The following IQCE variants were observed in gnomAD, a reference collection of about 807,000 sequenced individuals.
IQCE encodes IQ domain-containing protein E.
In IQCE, 115 loss-of-function variants were observed where a neutral mutation model predicts 96.0. The ratio of observed to expected loss-of-function variants is 1.20; its 90% CI spans 1.03 to 1.40. The LOEUF (loss-of-function observed/expected upper bound fraction) is 1.40. Ranked by LOEUF, IQCE falls within the 40% of genes most tolerant of loss-of-function variation. The pLI is 0.00. For synonymous variants in IQCE, 412 were observed against 371.2 expected (o/e 1.11, Z -1.26); for missense variants, 1,041 against 909.1 (o/e 1.15, Z -1.87).
At chr7:2,598,383 G>T (rs1184147460) in intron 16 of IQCE, 82 bp from the exon 17 acceptor site, 2 of 1,350,446 alleles carry the variant, frequency 1.5e-6, no homozygotes, top group African/African-American at 1.5e-5. Context: ...GCACCATGCC[G>T]GGTAATATCC....
chr7:2,582,758 C>T (rs1164872346), intron 9 of IQCE, 108 bp downstream of exon 9: 1 of 919,648 alleles, frequency 1.1e-6, no homozygotes, highest in Non-Finnish European at 1.7e-6. Flanking sequence ...TACTCCCAGC[C>T]CAAAGCCGAA....
intron 6 of IQCE, among the ~76,000 whole-genome samples, chr7:2,577,712 G>A (rs1320296148): frequency 9.6e-6 from 1 of 104,596 alleles, no homozygotes; most frequent in Non-Finnish European, 1.9e-5. Context: ...GTGGCTGTGC[G>A]CGCGGGGACG....
intron 6 of IQCE, among the ~76,000 whole-genome samples, chr7:2,574,290 G>T (rs1386800328): frequency 6.6e-6 from 1 of 152,238 alleles, no homozygotes; most frequent in East Asian, 1.9e-4. Flanking sequence ...TAGGGCATTG[G>T]CAGCCTCGTC....
chr7:2,572,740 C>T (rs7792975), intron 5 of IQCE: 5,974 of 457,222 alleles, frequency 0.013, 273 homozygotes, highest in African/African-American at 0.1. Flanking sequence ...GACGGAATCT[C>T]GCTGTGTTGC....
intron 16 of IQCE, among the ~76,000 whole-genome samples, 164 bp downstream of exon 16, chr7:2,595,140 A>C (rs763208946): frequency 1.0e-3 from 157 of 152,214 alleles, no homozygotes; most frequent in Non-Finnish European, 2.0e-3. Flanking sequence ...TGTGTATCGA[A>C]GTCCGGGTTT....
chr7:2,597,578 T>C (rs1784141334), intron 16 of IQCE, among the ~76,000 whole-genome samples: 1 of 152,276 alleles, frequency 6.6e-6, no homozygotes, highest in Admixed American at 6.5e-5. Flanking sequence ...CCACCGAGCT[T>C]GCATTCTTGA....
intron 14 of IQCE, among the ~76,000 whole-genome samples, chr7:2,592,076 C>T (rs1465304123): frequency 3.3e-5 from 5 of 152,172 alleles, no homozygotes; most frequent in Admixed American, 6.5e-5. Context: ...CGTGAGCCAC[C>T]GCGCCCGGCC....
chr7:2,603,878 G>A (rs887101593), intron 18 of IQCE, among the ~76,000 whole-genome samples: 2 of 152,122 alleles, frequency 1.3e-5, no homozygotes, highest in Non-Finnish European at 2.9e-5. Context: ...TAACGAGTTT[G>A]AGAGATGCCC....
chr7:2,593,488 A>G (rs1407395725), intron 15 of IQCE, among the ~76,000 whole-genome samples: 5 of 152,244 alleles, frequency 3.3e-5, no homozygotes, highest in Non-Finnish European at 5.9e-5. Context: ...GAGAGCCAGG[A>G]AGCAGCGCCC....
chr7:2,578,384 C>G (rs747975555), intron 7 of IQCE, 29 bp downstream of exon 7: 20 of 1,611,168 alleles, frequency 1.2e-5, no homozygotes, highest in African/African-American at 1.2e-4. Flanking sequence ...ACGGACGGGG[C>G]AAGGGGAGGG....
chr7:2,578,571 TTA>T, intron 8 of IQCE, 45 bp downstream of exon 8: 1 of 1,591,110 alleles, frequency 6.3e-7, no homozygotes, highest in Non-Finnish European at 8.6e-7. Context: ...CAGACGCTAG[TTA>T]CTGGGGACAG....
chr7:2,578,602 C>A, intron 8 of IQCE, 76 bp downstream of exon 8: 1 of 1,484,896 alleles, frequency 6.7e-7, no homozygotes, highest in Admixed American at 1.7e-5. Flanking sequence ...GGACGCCTTT[C>A]CCTGCAGCAC....
At chr7:2,565,527 A>G (rs980784837) in intron 1 of IQCE, among the ~76,000 whole-genome samples, 6 of 152,220 alleles carry the variant, frequency 3.9e-5, no homozygotes, top group Admixed American at 3.3e-4. Flanking sequence ...ACAGCAAGGA[A>G]TAATGACAGA....
intron 14 of IQCE, among the ~76,000 whole-genome samples, chr7:2,592,752 C>G (rs76525229): frequency 0.011 from 1,682 of 152,338 alleles, 36 homozygotes; most frequent in African/African-American, 0.037. Flanking sequence ...GGAGGGGCAA[C>G]TCCTCATTCT....
chr7:2,563,375 T>TTTTGTG (rs60896382), intron 1 of IQCE, among the ~76,000 whole-genome samples: 6,800 of 135,770 alleles, frequency 0.05, 284 homozygotes, highest in African/African-American at 0.1. Context: ...TAATTTTTTG[T>TTTTGTG]TGTGTGTGTG....
At chr7:2,597,926 C>A (rs1468835984) in intron 16 of IQCE, among the ~76,000 whole-genome samples, 2 of 152,164 alleles carry the variant, frequency 1.3e-5, no homozygotes, top group African/African-American at 4.8e-5. Flanking sequence ...GCTTGGCCCC[C>A]CACATTGTTG....
At position 2,592,208 on chromosome 7, in the gene IQCE, C is replaced by G. The variant is rs941584894; in HGVS notation, c.1245-814C>G. On this transcript the variant is annotated intron_variant, in intron 14 of 21. Coordinates refer to ENST00000402050, the MANE Select transcript of IQCE (RefSeq NM_152558.5). Reference sequence around the variant, plus strand: ...GGCCAACCCGTCACCACTGTCCTTACCCCTCACGTGAGGTCTCGGAGTGCA... The same window carrying G: ...GGCCAACCCGTCACCACTGTCCTTAGCCCTCACGTGAGGTCTCGGAGTGCA... Among the ~76,000 whole-genome samples the G allele has an allele frequency of 8.5e-5, 13 of 152,234 alleles. 1 individual carries two copies. The highest frequency in any genetic ancestry group is 8.5e-4 in the Admixed American group (13 of 15,288).
At chr7:2,607,321 C>A in intron 21 of IQCE, 94 bp downstream of exon 21, 1 of 1,551,382 alleles carries the variant, frequency 6.4e-7, no homozygotes, top group Non-Finnish European at 8.7e-7. Context: ...CGGGCTGTGT[C>A]GGGACGGAAG....
intron 21 of IQCE, among the ~76,000 whole-genome samples, chr7:2,609,279 A>G (rs1785006299): frequency 2.0e-5 from 3 of 149,488 alleles, no homozygotes; most frequent in African/African-American, 7.4e-5. Context: ...TGCCCTCTAT[A>G]CCAGTGGCCA....
Sources: gnomAD v4.1 joint callset for allele counts (sites outside exome capture counted in the v4.1 genomes callset) on GRCh38, gnomAD v4.1.1 for gene constraint, MANE v1.5 for transcripts, NCBI Gene and HGNC (gene_info 2026-07-23, HGNC 2026-07-21) for gene names.